TLN2: variants seen among roughly 807,000 people sequenced by gnomAD.
The protein encoded by TLN2 is talin-2.
In TLN2, 118 loss-of-function variants were observed where a neutral mutation model predicts 294.7. That is an observed-to-expected ratio of 0.40 (90% CI 0.34 to 0.47). The LOEUF is 0.47. TLN2 is among the 20% of genes least tolerant of loss of function. The probability of loss-of-function intolerance (pLI) is 0.84; values close to 1 mark genes in which losing one functional copy is unlikely to be tolerated. For missense variants in TLN2, 3,083 were observed against 3,282.2 expected (o/e 0.94, Z 1.48); for synonymous variants, 1,431 against 1,304.5 (o/e 1.10, Z -2.09).
chr15:62,842,308 A>G lies in TLN2; in HGVS notation c.*1698A>G, dbSNP rs2070788983. 6.6e-6 allele frequency: 1 copy of G among 152,208 alleles called. No individual in the cohort carries two copies. Among genetic ancestry groups the G allele is most frequent in the Non-Finnish European group, 1.5e-5 (1 of 68,088 alleles). 9.4% of individuals were successfully genotyped at this position (152,208 alleles called of 1,614,324 possible). On this transcript the variant is annotated 3_prime_UTR_variant, in exon 59 of 59. Transcript: ENST00000636159. The stretch of plus-strand genomic sequence containing the variant: ...CAGTGTGTGGGCACCAGTTCTGAAG[A>G]GGAGGGGAGCTGCTGGAGCCCTAGC...
At chr15:62,758,105 C>T (rs78180804) in intron 37 of TLN2, among the ~76,000 whole-genome samples, 12,155 of 152,118 alleles carry the variant, frequency 0.08, 743 homozygotes, top group East Asian at 0.2. Flanking sequence ...TTTCTTTTAA[C>T]CATGAGGATG....
intron 45 of TLN2, among the ~76,000 whole-genome samples, chr15:62,787,217 A>G (rs1487589207): frequency 3.3e-5 from 5 of 152,114 alleles, no homozygotes; most frequent in African/African-American, 7.2e-5. Flanking sequence ...CATGTTTTCT[A>G]TCTTTGTCAG....
chr15:62,501,908 T>C (rs1415085112), intron 1 of TLN2, among the ~76,000 whole-genome samples: 2 of 152,192 alleles, frequency 1.3e-5, no homozygotes. Flanking sequence ...ATCATTTCCA[T>C]GGAGGGTCAA....
intron 1 of TLN2, among the ~76,000 whole-genome samples, chr15:62,575,421 AAATCAG>A (rs1224169094): frequency 7.2e-5 from 11 of 152,234 alleles, no homozygotes; most frequent in African/African-American, 2.7e-4. Flanking sequence ...ACGTTTTAAA[AAATCAG>A]AATCAGTGTA....
At position 62,698,878 on chromosome 15, in the gene TLN2, T is replaced by C. The variant is rs906624283; in HGVS notation, c.1587+11T>C. 3.7e-6 allele frequency: 6 copies of C among 1,608,038 alleles called. No individual in the cohort carries two copies. Among genetic ancestry groups the C allele is most frequent in the Non-Finnish European group, 5.1e-6 (6 of 1,177,688 alleles). ...CTCGGCCAGGATATGGTAAATACTG[T>C]TCAGTGGTTTTCATGCCAAGTCTCT... On this transcript the variant is annotated intron_variant, in intron 16 of 58. Coordinates refer to ENST00000636159, the MANE Select transcript of TLN2 (RefSeq NM_015059.3).
Position 62,781,124 on chromosome 15 carries a change from T to C in TLN2, c.5515-16T>C. The C allele has an allele frequency of 1.2e-6, 2 of 1,604,508 alleles. No individual in the cohort carries two copies. Among genetic ancestry groups the C allele is most frequent in the Admixed American group, 1.7e-5 (1 of 59,986 alleles). On this transcript the variant is annotated splice_polypyrimidine_tract_variant and intron_variant, in intron 43 of 58. Coordinates refer to ENST00000636159, the MANE Select transcript of TLN2 (RefSeq NM_015059.3). Reference sequence around the variant, plus strand: ...GGCTTCTTATGACCTTTGGATTCTTTTCCTCTCCTCTGTAGCTGGATGAAG... The same window carrying C: ...GGCTTCTTATGACCTTTGGATTCTTCTCCTCTCCTCTGTAGCTGGATGAAG...
intron 9 of TLN2, among the ~76,000 whole-genome samples, chr15:62,665,700 AAACTCAAGAT>A (rs150869209): frequency 0.87 from 132,800 of 152,020 alleles, 60,546 homozygotes; most frequent in Non-Finnish European, 1. Flanking sequence ...TTTCCCCCAC[AAACTCAAGAT>A]AATTCTACTG....
At chr15:62,446,671 A>ATT (rs11379789) in intron 1 of TLN2, among the ~76,000 whole-genome samples, 4 of 152,034 alleles carry the variant, frequency 2.6e-5, no homozygotes, top group East Asian at 1.9e-4. Flanking sequence ...GATTTTAAAC[A>ATT]TTTTTTTGTA....
chr15:62,467,684 CA>C (rs11290809), intron 1 of TLN2, among the ~76,000 whole-genome samples: 143,412 of 150,980 alleles, frequency 0.95, 68,512 homozygotes, highest in East Asian at 1. Context: ...GACTCTGTCT[CA>C]AAAAAAAAAT....
chr15:62,614,132 C>A (rs2140833474), intron 2 of TLN2, among the ~76,000 whole-genome samples: 1 of 152,194 alleles, frequency 6.6e-6, no homozygotes, highest in East Asian at 1.9e-4. Flanking sequence ...AATTATGACT[C>A]AAAAATGAGT....
At position 62,736,964 on chromosome 15, in the gene TLN2, G is replaced by A; in HGVS notation, c.3445G>A (p.Ala1149Thr). 6.2e-7 allele frequency: 1 copy of A among 1,614,206 alleles called. No individual in the cohort carries two copies. The highest frequency in any genetic ancestry group is 8.5e-7 in the Non-Finnish European group (1 of 1,180,038). The change falls in exon 29 of 59, where the codon GCC becomes ACC. Residue 1149 changes from alanine to threonine, a missense_variant. By Grantham distance (58) the Ala-to-Thr change is moderately conservative. Transcript: ENST00000636159. ...GVAASTTDPA[A>T]AHAMLDSARD... ...GGCTGCATCGACAACCGACCCCGCGGCCGCCCATGCCATGTTAGATTCTGC... is the reference window on the plus strand; with the variant it reads ...GGCTGCATCGACAACCGACCCCGCGACCGCCCATGCCATGTTAGATTCTGC...
At chr15:62,748,317 C>CAAAAAA in intron 32 of TLN2, 34 bp from the exon 33 acceptor site, 1 of 1,263,670 alleles carries the variant, frequency 7.9e-7, no homozygotes, top group Non-Finnish European at 1.1e-6. Flanking sequence ...TGTTGATCTT[C>CAAAAAA]AAAAAAAAAA....
chr15:62,692,667 C>G (rs1337686096), intron 12 of TLN2, among the ~76,000 whole-genome samples, 173 bp from the exon 13 acceptor site: 2 of 152,114 alleles, frequency 1.3e-5, no homozygotes, highest in Non-Finnish European at 2.9e-5. Context: ...TTTCAGAGCT[C>G]TTTTACCGTT....
rs575671409 is a variant in TLN2, at chr15:62,796,825, C to G, written c.6051-394C>G. On this transcript the variant is annotated intron_variant, in intron 47 of 58. Coordinates refer to ENST00000636159, the MANE Select transcript of TLN2 (RefSeq NM_015059.3). ...TCTGCTGTCCCTTCCCAAGCCCAGC[C>G]TCTGATCCTGAACAAGGTGCCCCAA... 2.6e-5 allele frequency among the ~76,000 whole-genome samples: 4 copies of G among 152,304 alleles called. No individual in the cohort carries two copies. The East Asian group carries it at 7.7e-4, about 29-fold the overall frequency.
intron 1 of TLN2, among the ~76,000 whole-genome samples, chr15:62,397,339 C>T (rs1440957549): frequency 6.6e-6 from 1 of 152,140 alleles, no homozygotes; most frequent in Non-Finnish European, 1.5e-5. Flanking sequence ...CTCACTACAG[C>T]CTCAAACTCC....
In TLN2 at chr15:62,422,910, G is replaced by C. The variant is rs566291844; in HGVS notation, c.-238+32225G>C. ...TTTAGCTTGCCTGGAGCAGAACATG[G>C]GTGCTGTTTTTGAACACCGGTATTG... On this transcript the variant is annotated intron_variant, in intron 1 of 58. Transcript: ENST00000636159. 1.8e-4 allele frequency among the ~76,000 whole-genome samples: 28 copies of C among 152,284 alleles called. No individual in the cohort carries two copies. In the East Asian group the frequency reaches 3.7e-3, roughly 20 times the overall value.
In TLN2 at chr15:62,761,532, T is replaced by C. The variant is rs1595903319; in HGVS notation, c.4639-149T>C. The C allele has an allele frequency of 4.6e-6, 5 of 1,086,458 alleles. No homozygotes were observed. In the East Asian group the frequency reaches 1.2e-4, roughly 27 times the overall value. The allele number at this position is 1,086,458 out of a possible 1,614,324, so 67.3% of individuals were successfully genotyped here. A position where few individuals can be genotyped will look rare whatever the true frequency, so the allele number is the denominator to read the frequency against. On this transcript the variant is annotated intron_variant, in intron 37 of 58. Coordinates refer to ENST00000636159, the MANE Select transcript of TLN2 (RefSeq NM_015059.3). ...CTCTGCTTGATGGCAGGGGTCTCTT[T>C]CATCAGTTCCTATTTATTGTTTATG...
At chr15:62,645,125 T>A (rs2051673271) in intron 3 of TLN2, 2 of 154,220 alleles carry the variant, frequency 1.3e-5, no homozygotes, top group African/African-American at 4.8e-5. Context: ...AGCAAATTAG[T>A]CCATTTATCT....
At chr15:62,640,368 G>A (rs1230558979) in intron 3 of TLN2, 2 of 457,232 alleles carry the variant, frequency 4.4e-6, no homozygotes, top group Middle Eastern at 3.4e-4. Context: ...AGTGGCTAGA[G>A]GCAGAGAGAA....
Sources: allele counts gnomAD v4.1 joint callset (sites outside exome capture counted in the v4.1 genomes callset), GRCh38; gene constraint gnomAD v4.1.1; transcripts MANE v1.5; gene names NCBI Gene and HGNC (gene_info 2026-07-23, HGNC 2026-07-21).